CFAP69: variants seen among roughly 807,000 people sequenced by gnomAD.
The protein encoded by CFAP69 is cilia and flagella associated protein 69, also known as cilia- and flagella-associated protein 69.
In CFAP69, 92 loss-of-function variants were observed where a neutral mutation model predicts 123.0. The ratio of observed to expected loss-of-function variants is 0.75; its 90% confidence interval spans 0.63 to 0.89. The LOEUF is 0.89. CFAP69 is among the 40% of genes least tolerant of loss of function. CFAP69 has a pLI of 0.00. For missense variants in CFAP69, 1,067 were observed against 1,096.9 expected, an observed-to-expected ratio of 0.97 and a Z score of 0.39; for synonymous variants, 380 against 364.3, an observed-to-expected ratio of 1.04 and a Z score of -0.49.
chr7:90,310,138 C>A lies in CFAP69; in HGVS notation c.2726C>A (p.Thr909Lys), dbSNP rs747560061. 1.2e-5 allele frequency: 19 copies of A among 1,613,636 alleles called. No homozygotes were observed. The East Asian group carries it at 4.2e-4, about 36-fold the overall frequency. Residue 909 changes from threonine (T) to lysine (K), a missense_variant, in exon 23 of 23, where the codon ACG becomes AAG. By Grantham distance (78) the Thr-to-Lys change is moderately conservative. Transcript: ENST00000389297. Reference sequence around the variant, plus strand: ...TTAGTAGGAGGACCTCTGGTTGATACGGATATTGCTCTTAAAAAACTGCCC... The same window carrying A: ...TTAGTAGGAGGACCTCTGGTTGATAAGGATATTGCTCTTAAAAAACTGCCC... Reference protein sequence around the residue: ...ARLVGGPLVDTDIALKKLPIR... With the variant: ...ARLVGGPLVDKDIALKKLPIR...
rs1354456132 is a variant in CFAP69, at chr7:90,275,595, T to G, written c.985-1478T>G. On this transcript the variant is annotated intron_variant, in intron 9 of 22. Transcript: ENST00000389297. Reference sequence around the variant, plus strand: ...CCTGCTCTCAGGCCAAAAGCCTTTTTTTTTTTTTTTTTTTTTTTTTTTTTG... The same window carrying G: ...CCTGCTCTCAGGCCAAAAGCCTTTTGTTTTTTTTTTTTTTTTTTTTTTTTG... Among the ~76,000 whole-genome samples, 373 of 112,784 alleles carry G rather than the reference T, an allele frequency of 3.3e-3. 1 individual carries two copies. Among genetic ancestry groups the G allele is most frequent in the African/African-American group, 0.012 (358 of 29,938 alleles). 74.0% of individuals were successfully genotyped at this position (112,784 alleles called of 152,430 possible).
chr7:90,318,891 AT>A, the CFAP69 span: 1 of 152,470 alleles, frequency 6.6e-6, no homozygotes, highest in Admixed American at 6.5e-5. Flanking sequence ...TAATACTCTC[AT>A]TTTGTAAAAT....
chr7:90,297,964 C>A (rs1792244352), intron 16 of CFAP69, 134 bp downstream of exon 16: 1 of 570,898 alleles, frequency 1.8e-6, no homozygotes, highest in Non-Finnish European at 3.0e-6. Context: ...CGGTCTTAAA[C>A]AAAATTGCTC....
chr7:90,310,407 AC>A lies in CFAP69; in HGVS notation c.*170del. 1 of 359,332 alleles carries A rather than the reference AC, an allele frequency of 2.8e-6. No individual in the cohort carries two copies. Among genetic ancestry groups the A allele is most frequent in the Non-Finnish European group, 4.8e-6 (1 of 209,546 alleles). The allele number at this position is 359,332 out of a possible 1,614,324, so 22.3% of individuals were successfully genotyped here. ...TAATTTATTTTTATGGAAAACATCA[AC>A]ATGTAATATCAGAAGAGTTGTCATC... On this transcript the variant is annotated 3_prime_UTR_variant, in exon 23 of 23. Transcript: ENST00000389297.
chr7:90,255,075 T>TA (rs1171873596), intron 1 of CFAP69, among the ~76,000 whole-genome samples: 5 of 152,238 alleles, frequency 3.3e-5, no homozygotes, highest in Non-Finnish European at 5.9e-5. Flanking sequence ...AAGCTACTCT[T>TA]ACCATGTATC....
At chr7:90,277,527 A>C (rs2117003667) in intron 11 of CFAP69, among the ~76,000 whole-genome samples, 193 bp downstream of exon 11, 1 of 152,312 alleles carries the variant, frequency 6.6e-6, no homozygotes, top group South Asian at 2.1e-4. Flanking sequence ...AAGTACTTAA[A>C]TTTAAACCAC....
intron 5 of CFAP69, among the ~76,000 whole-genome samples, chr7:90,267,173 G>A (rs1799264684): frequency 6.6e-6 from 1 of 152,126 alleles, no homozygotes; most frequent in South Asian, 2.1e-4. Context: ...ATAAAATTTA[G>A]AGTTAGAATA....
At chr7:90,291,196 C>T (rs189217767) in intron 15 of CFAP69, among the ~76,000 whole-genome samples, 71 of 152,116 alleles carry the variant, frequency 4.7e-4, no homozygotes, top group African/African-American at 1.7e-3. Flanking sequence ...TCAGAGCAGC[C>T]CTGAGGGCTG....
intron 2 of CFAP69, among the ~76,000 whole-genome samples, chr7:90,255,944 G>T (rs1797593380): frequency 6.6e-6 from 1 of 152,094 alleles, no homozygotes; most frequent in South Asian, 2.1e-4. Flanking sequence ...TTAGACACAA[G>T]ACTCAAAATT....
chr7:90,264,651 C>G (rs886330160), intron 4 of CFAP69, among the ~76,000 whole-genome samples: 1 of 152,014 alleles, frequency 6.6e-6, no homozygotes, highest in Non-Finnish European at 1.5e-5. Context: ...ATTTTGACCT[C>G]TAAGAGAAAG....
chr7:90,305,685 G>T (rs1309669243), intron 19 of CFAP69, among the ~76,000 whole-genome samples: 2 of 151,314 alleles, frequency 1.3e-5, no homozygotes, highest in Non-Finnish European at 2.9e-5. Flanking sequence ...CTTCTCTTTG[G>T]AGTTGAAATT....
At chr7:90,304,364 T>C in intron 18 of CFAP69, 1 of 1,233,354 alleles carries the variant, frequency 8.1e-7, no homozygotes, top group Non-Finnish European at 1.0e-6. Context: ...GACAGTTAGT[T>C]TAGATGATTA....
At chr7:90,308,040 G>T (rs1020404991) in intron 21 of CFAP69, among the ~76,000 whole-genome samples, 186 bp downstream of exon 21, 2 of 152,148 alleles carry the variant, frequency 1.3e-5, no homozygotes, top group African/African-American at 2.4e-5. Context: ...AGAAGATGCT[G>T]CTTTGAGTTT....
chr7:90,300,340 G>T (rs1224824053), intron 17 of CFAP69: 6 of 908,992 alleles, frequency 6.6e-6, no homozygotes, highest in Non-Finnish European at 6.6e-6. Context: ...TGCTTCTTTG[G>T]GTTTTCTGCT....
intron 12 of CFAP69, among the ~76,000 whole-genome samples, chr7:90,281,923 G>A (rs13237078): frequency 0.053 from 8,118 of 152,208 alleles, 274 homozygotes; most frequent in Non-Finnish European, 0.077. Flanking sequence ...CAGTAGAGAA[G>A]TATACAAGGA....
chr7:90,266,036 A>G (rs535147053), intron 5 of CFAP69: 2 of 152,230 alleles, frequency 1.3e-5, no homozygotes, highest in South Asian at 2.1e-4. Context: ...ATCTATACTT[A>G]CTAGTTTAGG....
chr7:90,257,968 T>C, intron 2 of CFAP69, 130 bp from the exon 3 acceptor site: 3 of 631,138 alleles, frequency 4.8e-6, no homozygotes, highest in East Asian at 6.0e-5. Flanking sequence ...TTTTATAACG[T>C]TTACATTATA....
rs200722294 is a variant in CFAP69, at chr7:90,279,860, G to A, written c.1339G>A (p.Val447Ile). 1.2e-6 allele frequency: 2 copies of A among 1,608,218 alleles called. No individual in the cohort carries two copies. The highest frequency in any genetic ancestry group is 8.5e-7 in the Non-Finnish European group (1 of 1,178,314). The change falls in exon 12 of 23, where the codon GTC (valine) becomes ATC (isoleucine). Residue 447 changes from valine to isoleucine, a missense_variant. Physicochemically the swap from Val to Ile is conservative, Grantham distance 29. Coordinates refer to ENST00000389297, the MANE Select transcript of CFAP69 (RefSeq NM_001039706.3). Reference protein sequence around the residue: ...EYMSCQGNARVLAFLEWCESE... With the variant: ...EYMSCQGNARILAFLEWCESE... ...CATGTCATGCCAGGGAAATGCTCGAGTCCTTGCATTTCTAGAATGGTGTGA... is the reference window on the plus strand; with the variant it reads ...CATGTCATGCCAGGGAAATGCTCGAATCCTTGCATTTCTAGAATGGTGTGA...
the CFAP69 span, chr7:90,318,561 A>G: frequency 6.6e-6 from 1 of 152,154 alleles, no homozygotes; most frequent in Non-Finnish European, 1.5e-5. Context: ...CAATATTAAT[A>G]TATAAGATAC....
Sources: allele counts gnomAD v4.1 joint callset (sites outside exome capture counted in the v4.1 genomes callset), GRCh38; gene constraint gnomAD v4.1.1; transcripts MANE v1.5; gene names NCBI Gene and HGNC (gene_info 2026-07-23, HGNC 2026-07-21).